The following CNN1 variants were observed in gnomAD, a reference collection of about 807,000 sequenced individuals.
CNN1 encodes calponin 1.
CNN1 carries 21 observed loss-of-function variants against 35.3 expected under a neutral mutation model. The observed-to-expected ratio is 0.60, with a 90% CI of 0.42 to 0.86. The LOEUF is 0.86. Among genes scored for constraint, CNN1 ranks in the 40% least tolerant of loss-of-function variants. The pLI, the probability that CNN1 is intolerant of heterozygous loss-of-function variation, is 0.00. For missense variants in CNN1, 314 were observed against 400.8 expected (o/e 0.78, Z 1.85); for synonymous variants, 164 against 161.8 (o/e 1.01, Z -0.10).
In CNN1 at chr19:11,549,986, C is replaced by T. The variant is rs1972687070; in HGVS notation, c.*191C>T. 5 of 790,526 alleles carry T rather than the reference C, an allele frequency of 6.3e-6. No individual in the cohort carries two copies. Among genetic ancestry groups the T allele is most frequent in the Non-Finnish European group, 9.8e-6 (5 of 512,506 alleles). The allele number at this position is 790,526 out of a possible 1,614,324, so 49.0% of individuals were successfully genotyped here. Reference sequence around the variant, plus strand: ...CCATTGGGGGGAAGGGGACCCTCCGCTCTGTAGTGCTACAGGGTCCAACAT... The same window carrying T: ...CCATTGGGGGGAAGGGGACCCTCCGTTCTGTAGTGCTACAGGGTCCAACAT... On this transcript the variant is annotated 3_prime_UTR_variant, in exon 7 of 7. Transcript: ENST00000252456. This position sits in a 1 kb window ranked among gnomAD's most constrained non-coding sequence, Gnocchi z 5.2.
rs1264750014 is a variant in CNN1 at position 11,549,218 on chromosome 19, T to G, written c.502-105T>G. 3 of 1,251,840 alleles carry G rather than the reference T, an allele frequency of 2.4e-6. No individual in the cohort carries two copies. Among genetic ancestry groups the G allele is most frequent in the African/African-American group, 3.1e-5 (2 of 65,042 alleles). 77.5% of individuals were successfully genotyped at this position (1,251,840 alleles called of 1,614,324 possible). ...AAAATAAATAAAATAAAATAAAAAT[T>G]GAAAAAAATGATAAAGCGGCGCCTC... On this transcript the variant is annotated intron_variant, in intron 5 of 6. Coordinates refer to ENST00000252456, the MANE Select transcript of CNN1 (RefSeq NM_001299.6). The surrounding 1 kb of genome is among the most constrained non-coding windows in gnomAD (Gnocchi z 5.2).
At position 11,538,921 on chromosome 19, in the gene CNN1, G is replaced by A; in HGVS notation, c.-7G>A. The A allele has an allele frequency of 3.8e-6, 6 of 1,561,720 alleles. No homozygotes were observed. Among genetic ancestry groups the A allele is most frequent in the South Asian group, 1.2e-5 (1 of 85,086 alleles). ...GCCACTGCCCCCGCCAGAGCCCACC[G>A]GCCAGCATGTCCTCTGCTCACTTCA... On this transcript the variant is annotated 5_prime_UTR_variant, in exon 1 of 7. Transcript: ENST00000252456.
At chr19:11,542,189 TC>T (rs1972480875) in intron 2 of CNN1, 1 of 135,724 alleles carries the variant, frequency 7.4e-6, no homozygotes, top group African/African-American at 3.6e-5. Context: ...CGCCCGACCT[TC>T]TTCTTCTTCT....
intron 2 of CNN1, among the ~76,000 whole-genome samples, chr19:11,546,290 CCCT>C (rs1972579831): frequency 6.6e-6 from 1 of 151,572 alleles, no homozygotes; most frequent in Non-Finnish European, 1.5e-5. Context: ...CATCCCGTCA[CCCT>C]CCTCCTGCTG....
In CNN1 at chr19:11,546,723, A is replaced by C. The variant is rs777785936; in HGVS notation, c.234A>C (p.Ser78=). The C allele has an allele frequency of 1.6e-5, 26 of 1,614,052 alleles. No individual in the cohort carries two copies. The Admixed American group carries it at 1.7e-4, about 10-fold the overall frequency. ...QPGSVKKINE[S]TQNWHQLENI... Reference sequence around the variant, plus strand: ...GCTCCGTGAAGAAGATCAATGAGTCAACCCAAAATTGGCACCAGGTGAGCC... The same window carrying C: ...GCTCCGTGAAGAAGATCAATGAGTCCACCCAAAATTGGCACCAGGTGAGCC... Residue 78 remains serine, a synonymous_variant, in exon 3 of 7, where the codon TCA becomes TCC. Transcript: ENST00000252456.
Position 11,550,027 on chromosome 19 carries a change from C to T in CNN1, c.*232C>T, listed in dbSNP as rs1972688632. On this transcript the variant is annotated 3_prime_UTR_variant, in exon 7 of 7. Transcript: ENST00000252456. ...GGTCCAACATAGAGCCGGGTGTCCCCAACAGCGCCCAAAGGACGCACTGAG... is the reference window on the plus strand; with the variant it reads ...GGTCCAACATAGAGCCGGGTGTCCCTAACAGCGCCCAAAGGACGCACTGAG... 1 of 530,150 alleles carries T rather than the reference C, an allele frequency of 1.9e-6. No individual in the cohort carries two copies. Among genetic ancestry groups the T allele is most frequent in the Non-Finnish European group, 3.2e-6 (1 of 313,058 alleles). 32.8% of individuals were successfully genotyped at this position (530,150 alleles called of 1,614,324 possible). A position where few individuals can be genotyped will look rare whatever the true frequency, so the allele number is the denominator to read the frequency against.
chr19:11,539,347 G>A (rs1277123311), intron 1 of CNN1: 6 of 1,079,768 alleles, frequency 5.6e-6, no homozygotes, highest in Non-Finnish European at 6.8e-6. Flanking sequence ...AGAAATTGGG[G>A]AGCGCTTGAG....
At position 11,549,886 on chromosome 19, in the gene CNN1, C is replaced by A; in HGVS notation, c.*91C>A. 1 of 1,503,754 alleles carries A rather than the reference C, an allele frequency of 6.7e-7. No homozygotes were observed. Among genetic ancestry groups the A allele is most frequent in the Non-Finnish European group, 9.0e-7 (1 of 1,112,386 alleles). The allele number at this position is 1,503,754 out of a possible 1,614,324, so 93.2% of individuals were successfully genotyped here. ...AGGCCCAGCCGACCCCCTCTCCCTGCATGGCATCCTCCAGCCCCTGTAGAA... is the reference window on the plus strand; with the variant it reads ...AGGCCCAGCCGACCCCCTCTCCCTGAATGGCATCCTCCAGCCCCTGTAGAA... On this transcript the variant is annotated 3_prime_UTR_variant, in exon 7 of 7. Transcript: ENST00000252456. This position sits in a 1 kb window ranked among gnomAD's most constrained non-coding sequence, Gnocchi z 5.2.
Position 11,549,431 on chromosome 19 carries a change from A to C in CNN1, c.610A>C (p.Ile204Leu). 1.2e-6 allele frequency: 2 copies of C among 1,613,816 alleles called. No homozygotes were observed. Among genetic ancestry groups the C allele is most frequent in the Non-Finnish European group, 1.7e-6 (2 of 1,179,944 alleles). Residue 204 changes from isoleucine to leucine, a missense_variant, in exon 6 of 7, where the codon ATC (isoleucine) becomes CTC (leucine). By Grantham distance (5) the Ile-to-Leu change is conservative. Coordinates refer to ENST00000252456, the MANE Select transcript of CNN1 (RefSeq NM_001299.6). This position sits in a 1 kb window ranked among gnomAD's most constrained non-coding sequence, Gnocchi z 5.2. ...GTDQPLDQAT[I>L]SLQMGTNKGA... ...AGACCAGCCTCTGGACCAGGCGACC[A>C]TCAGCCTGCAGATGGGCACCAACAA...
intron 4 of CNN1, 96 bp downstream of exon 4, chr19:11,547,065 G>A (rs897092310): frequency 7.7e-6 from 12 of 1,559,364 alleles, no homozygotes; most frequent in Non-Finnish European, 1.1e-5. Context: ...GAAGGTGGCG[G>A]AGCGGGGGGC....
intron 1 of CNN1, chr19:11,540,199 G>A: frequency 2.6e-6 from 1 of 386,806 alleles, no homozygotes; most frequent in Non-Finnish European, 3.6e-6. Context: ...GGGGGGAGAG[G>A]CAGACAGAGA....
At position 11,549,996 on chromosome 19, in the gene CNN1, C is replaced by T. The variant is rs1448917949; in HGVS notation, c.*201C>T. The T allele has an allele frequency of 2.8e-6, 2 of 721,542 alleles. No homozygotes were observed. The highest frequency in any genetic ancestry group is 3.2e-5 in the Admixed American group (1 of 31,364). The allele number at this position is 721,542 out of a possible 1,614,324, so 44.7% of individuals were successfully genotyped here. ...GAAGGGGACCCTCCGCTCTGTAGTG[C>T]TACAGGGTCCAACATAGAGCCGGGT... On this transcript the variant is annotated 3_prime_UTR_variant, in exon 7 of 7. Transcript: ENST00000252456. This position sits in a 1 kb window ranked among gnomAD's most constrained non-coding sequence, Gnocchi z 5.2.
At chr19:11,543,092 G>T (rs1972500885) in intron 2 of CNN1, among the ~76,000 whole-genome samples, 1 of 152,188 alleles carries the variant, frequency 6.6e-6, no homozygotes, top group Non-Finnish European at 1.5e-5. Flanking sequence ...GGGGAGGTAG[G>T]CATGCTGGTG....
rs8109708 is a variant in CNN1 at position 11,538,877 on chromosome 19, T to G, written c.-51T>G. 130,633 of 1,446,778 alleles carry G rather than the reference T, an allele frequency of 0.09. 17,531 individuals are homozygous for G. The highest frequency in any genetic ancestry group is 0.63 in the African/African-American group (43,460 of 68,910). 89.6% of individuals were successfully genotyped at this position (1,446,778 alleles called of 1,614,324 possible). On this transcript the variant is annotated 5_prime_UTR_variant, in exon 1 of 7. Coordinates refer to ENST00000252456, the MANE Select transcript of CNN1 (RefSeq NM_001299.6). ...CAGACGGAACTTCAGCCGCTGCCTC[T>G]GTTCTCAGCGTCAGTGCCGCCACTG...
At chr19:11,543,562 C>T (rs184210976) in intron 2 of CNN1, among the ~76,000 whole-genome samples, 5 of 151,624 alleles carry the variant, frequency 3.3e-5, no homozygotes, top group Non-Finnish European at 5.9e-5. Context: ...AGGCGGATCA[C>T]GAGGTCAGGA....
At chr19:11,539,049 G>T in intron 1 of CNN1, 59 bp downstream of exon 1, 1 of 1,429,328 alleles carries the variant, frequency 7.0e-7, no homozygotes, top group Non-Finnish European at 9.4e-7. Flanking sequence ...AGAGCCCTGA[G>T]CTTGGGGTCC....
chr19:11,547,032 C>T (rs1411560496), intron 4 of CNN1, 63 bp downstream of exon 4: 2 of 1,604,244 alleles, frequency 1.2e-6, no homozygotes, highest in Admixed American at 1.7e-5. Context: ...GCAGGTGTGG[C>T]CACTTGTGCT....
At chr19:11,542,765 G>A (rs1249169731) in intron 2 of CNN1, among the ~76,000 whole-genome samples, 3 of 151,654 alleles carry the variant, frequency 2.0e-5, no homozygotes, top group Non-Finnish European at 4.4e-5. Flanking sequence ...TAGTAGAGAC[G>A]GGGTTTCACC....
chr19:11,539,076 C>T, intron 1 of CNN1, 86 bp downstream of exon 1: 5 of 1,227,332 alleles, frequency 4.1e-6, no homozygotes, highest in South Asian at 1.8e-5. Context: ...CCCCCTCCTG[C>T]CTATCCTATG....
Sources: allele counts gnomAD v4.1 joint callset (sites outside exome capture counted in the v4.1 genomes callset), GRCh38; gene constraint gnomAD v4.1.1; non-coding constraint Gnocchi (gnomAD v3.1); transcripts MANE v1.5; gene names NCBI Gene and HGNC (gene_info 2026-07-23, HGNC 2026-07-21).